The following SUSD4 variants were observed in gnomAD, a reference collection of about 807,000 sequenced individuals.
SUSD4 encodes the protein sushi domain containing 4.
SUSD4 carries 41 observed loss-of-function variants against 50.5 expected under a neutral mutation model. The ratio of observed to expected loss-of-function variants is 0.81; its 90% CI spans 0.63 to 1.05. SUSD4 has a LOEUF of 1.05. SUSD4 is among the 50% of genes least tolerant of loss of function. The pLI, the probability that SUSD4 is intolerant of heterozygous loss-of-function variation, is 0.00. For synonymous variants in SUSD4, 257 were observed against 257.3 expected, an observed-to-expected ratio of 1.00 and a Z score of 0.01; for missense variants, 580 against 634.7, an observed-to-expected ratio of 0.91 and a Z score of 0.93.
chr1:223,229,159 G>T lies in SUSD4; in HGVS notation c.916+38C>A. 6.4e-7 allele frequency: 1 copy of T among 1,562,646 alleles called. No individual in the cohort carries two copies. The highest frequency in any genetic ancestry group is 8.8e-7 in the Non-Finnish European group (1 of 1,141,708). ...CCACTATGTGCAGATGGTCCAAGGA[G>T]GGTCCATCTCCTCCAAGGGTGAGGC... On this transcript the variant is annotated intron_variant, in intron 6 of 8. Transcript: ENST00000366878. This position sits in a 1 kb window ranked among gnomAD's most constrained non-coding sequence, Gnocchi z 4.7.
At chr1:223,257,842 T>C (rs539759890) in intron 5 of SUSD4, among the ~76,000 whole-genome samples, 7 of 152,110 alleles carry the variant, frequency 4.6e-5, no homozygotes, top group African/African-American at 9.7e-5. Flanking sequence ...ATAGGGAGAA[T>C]AGAGTGGCCC....
chr1:223,289,995 A>G (rs2103140995), intron 3 of SUSD4, among the ~76,000 whole-genome samples: 1 of 152,350 alleles, frequency 6.6e-6, no homozygotes, highest in Non-Finnish European at 1.5e-5. Flanking sequence ...CCTAATCAGG[A>G]AACAATAAGA....
rs963810884 is a variant in SUSD4 at position 223,248,951 on chromosome 1, C to T, written c.724+15679G>A. Among the ~76,000 whole-genome samples the T allele has an allele frequency of 3.3e-5, 5 of 152,022 alleles. No homozygotes were observed. The East Asian group carries it at 7.7e-4, about 23-fold the overall frequency. On this transcript the variant is annotated intron_variant, in intron 5 of 8. Transcript: ENST00000366878. ...CACAGGTGAGGGAGCAGGTGCAAAC[C>T]CGTGATTTCCTCTGACAGCAGCGGG...
chr1:223,253,326 C>A (rs2103047658), intron 5 of SUSD4, among the ~76,000 whole-genome samples: 1 of 150,676 alleles, frequency 6.6e-6, no homozygotes, highest in Non-Finnish European at 1.5e-5. Context: ...ACAACAAAAA[C>A]TTGCTTCAGT....
At chr1:223,236,511 T>G (rs1003329787) in intron 5 of SUSD4, among the ~76,000 whole-genome samples, 1 of 152,122 alleles carries the variant, frequency 6.6e-6, no homozygotes, top group South Asian at 2.1e-4. Flanking sequence ...CTATTTTGAG[T>G]TAATTTTATG....
Position 223,273,543 on chromosome 1 carries a change from G to A in SUSD4, c.362-4868C>T, listed in dbSNP as rs146587651. ...AGTATGATGTATGGCAGGGGCCTTCGCCATGCCATCTGGTCCATGCTAACA... is the reference window on the plus strand; with the variant it reads ...AGTATGATGTATGGCAGGGGCCTTCACCATGCCATCTGGTCCATGCTAACA... On this transcript the variant is annotated intron_variant, in intron 3 of 8. Coordinates refer to ENST00000366878, the MANE Select transcript of SUSD4 (RefSeq NM_017982.4). Among the ~76,000 whole-genome samples, 1,423 of 152,332 alleles carry A rather than the reference G, an allele frequency of 9.3e-3. 21 individuals are homozygous for A. Among genetic ancestry groups the A allele is most frequent in the African/African-American group, 0.032 (1,347 of 41,562 alleles).
At chr1:223,359,671 AACATG>A (rs1270961843) in intron 2 of SUSD4, among the ~76,000 whole-genome samples, 1 of 152,238 alleles carries the variant, frequency 6.6e-6, no homozygotes, top group Non-Finnish European at 1.5e-5. Flanking sequence ...CTGAGACACA[AACATG>A]AATAAAGTCA....
intron 2 of SUSD4, among the ~76,000 whole-genome samples, chr1:223,324,991 CA>C (rs1477295089): frequency 6.6e-6 from 1 of 152,142 alleles, no homozygotes; most frequent in East Asian, 1.9e-4. Context: ...ACCCACTCCA[CA>C]ATGCAGTTGA....
chr1:223,238,328 C>T (rs1261589280), intron 5 of SUSD4, among the ~76,000 whole-genome samples: 1 of 142,040 alleles, frequency 7.0e-6, no homozygotes, highest in Non-Finnish European at 1.5e-5. Context: ...CTATTGAGTT[C>T]CTATTTTCAA....
intron 4 of SUSD4, among the ~76,000 whole-genome samples, chr1:223,265,801 A>G (rs78719047): frequency 1.1e-3 from 174 of 152,326 alleles, no homozygotes; most frequent in African/African-American, 4.0e-3. Flanking sequence ...CACTGGAGAG[A>G]ATAATGACAC....
chr1:223,313,669 G>T (rs367826244), intron 2 of SUSD4, among the ~76,000 whole-genome samples: 1 of 152,094 alleles, frequency 6.6e-6, no homozygotes. Context: ...GATAAGATAG[G>T]AGGTCAGCAC....
At chr1:223,302,947 C>T (rs781540467) in intron 2 of SUSD4, among the ~76,000 whole-genome samples, 4 of 151,850 alleles carry the variant, frequency 2.6e-5, no homozygotes, top group Non-Finnish European at 4.4e-5. Flanking sequence ...AGACCAGCCT[C>T]GGCAACACAA....
At chr1:223,260,598 T>G (rs1420521414) in intron 5 of SUSD4, among the ~76,000 whole-genome samples, 1 of 152,188 alleles carries the variant, frequency 6.6e-6, no homozygotes, top group Non-Finnish European at 1.5e-5. Flanking sequence ...CACACAGGGA[T>G]GCAGGAAGCT....
rs1489057437 is a variant in SUSD4 at position 223,227,880 on chromosome 1, A to C, written c.917-142T>G. Reference sequence around the variant, plus strand: ...CTGACCCCCAGGGCTCGGCAGAGATACCATGTGCCCCTGTAGCTCATGTAA... The same window carrying C: ...CTGACCCCCAGGGCTCGGCAGAGATCCCATGTGCCCCTGTAGCTCATGTAA... On this transcript the variant is annotated intron_variant, in intron 6 of 8. Coordinates refer to ENST00000366878, the MANE Select transcript of SUSD4 (RefSeq NM_017982.4). This position sits in a 1 kb window ranked among gnomAD's most constrained non-coding sequence, Gnocchi z 4.5. 1 of 1,064,436 alleles carries C rather than the reference A, an allele frequency of 9.4e-7. No individual in the cohort carries two copies. Among genetic ancestry groups the C allele is most frequent in the Admixed American group, 2.5e-5 (1 of 39,290 alleles). The allele number at this position is 1,064,436 out of a possible 1,614,324, so 65.9% of individuals were successfully genotyped here. A position where few individuals can be genotyped will look rare whatever the true frequency, so the allele number is the denominator to read the frequency against.
chr1:223,262,458 G>A (rs185920206), intron 5 of SUSD4, among the ~76,000 whole-genome samples: 21 of 152,302 alleles, frequency 1.4e-4, no homozygotes, highest in African/African-American at 4.3e-4. Flanking sequence ...GTGACAGTTC[G>A]TCTATGTTGA....
intron 5 of SUSD4, among the ~76,000 whole-genome samples, chr1:223,250,382 A>G (rs1661219132): frequency 1.3e-5 from 2 of 152,218 alleles, no homozygotes; most frequent in African/African-American, 4.8e-5. Flanking sequence ...GAGGCAACAT[A>G]TGCACATTAT....
At chr1:223,307,649 T>C in intron 2 of SUSD4, among the ~76,000 whole-genome samples, 1 of 152,164 alleles carries the variant, frequency 6.6e-6, no homozygotes. Context: ...CAAGACACTA[T>C]GTGAAACAGA....
At chr1:223,263,283 C>T (rs1662250113) in intron 5 of SUSD4, among the ~76,000 whole-genome samples, 1 of 152,128 alleles carries the variant, frequency 6.6e-6, no homozygotes, top group South Asian at 2.1e-4. Flanking sequence ...AAAGAGATGA[C>T]CTTGTCCCTT....
chr1:223,334,186 C>A (rs1207957790), intron 2 of SUSD4, among the ~76,000 whole-genome samples: 1 of 151,982 alleles, frequency 6.6e-6, no homozygotes, highest in Non-Finnish European at 1.5e-5. Context: ...ATCTACGAAA[C>A]AAGAACAGAA....
Sources: gnomAD v4.1 joint callset for allele counts (sites outside exome capture counted in the v4.1 genomes callset) on GRCh38, gnomAD v4.1.1 for gene constraint, Gnocchi (gnomAD v3.1) non-coding constraint, MANE v1.5 for transcripts, NCBI Gene and HGNC (gene_info 2026-07-23, HGNC 2026-07-21) for gene names.